FSTL5: variants seen among roughly 807,000 people sequenced by gnomAD.
FSTL5 encodes follistatin like 5.
A neutral mutation model predicts 89.1 loss-of-function variants in FSTL5; 62 were observed. The ratio of observed to expected loss-of-function variants is 0.70; its 90% CI spans 0.57 to 0.86. The LOEUF is 0.86. FSTL5 is among the 40% of genes least tolerant of loss of function. FSTL5 has a pLI of 0.00. For synonymous variants in FSTL5, 383 were observed against 346.2 expected (o/e 1.11, Z -1.18); for missense variants, 1,057 against 1,001.6 (o/e 1.06, Z -0.75).
At chr4:161,877,417 G>C (rs1732480512) in intron 4 of FSTL5, among the ~76,000 whole-genome samples, 1 of 36,188 alleles carries the variant, frequency 2.8e-5, no homozygotes, top group Non-Finnish European at 1.1e-4. Context: ...CTATTTTACA[G>C]ATAAAATAGA....
chr4:161,633,703 A>T (rs537701238), intron 7 of FSTL5, among the ~76,000 whole-genome samples: 76 of 152,248 alleles, frequency 5.0e-4, no homozygotes, highest in Middle Eastern at 6.8e-3. Context: ...ATCATGCTAG[A>T]GTGTTTAGTA....
At chr4:162,131,194 T>C (rs978188992) in intron 1 of FSTL5, among the ~76,000 whole-genome samples, 2 of 152,178 alleles carry the variant, frequency 1.3e-5, no homozygotes, top group Admixed American at 6.5e-5. Context: ...ACAGTCACCC[T>C]TAAATTGAAT....
At chr4:162,020,307 G>A (rs989225799) in intron 3 of FSTL5, among the ~76,000 whole-genome samples, 2 of 151,788 alleles carry the variant, frequency 1.3e-5, no homozygotes, top group Non-Finnish European at 1.5e-5. Flanking sequence ...AAGTCTGTTT[G>A]GTGAAAGTTA....
chr4:162,046,266 A>G (rs1578983095), intron 2 of FSTL5, among the ~76,000 whole-genome samples: 1 of 152,292 alleles, frequency 6.6e-6, no homozygotes, highest in East Asian at 1.9e-4. Flanking sequence ...CTTACAACAC[A>G]ATGTTAAAGA....
At chr4:161,496,696 C>T (rs1730085653) in intron 12 of FSTL5, among the ~76,000 whole-genome samples, 1 of 151,916 alleles carries the variant, frequency 6.6e-6, no homozygotes, top group Non-Finnish European at 1.5e-5. Flanking sequence ...CTGGCAAACC[C>T]TACAAATTTT....
At chr4:161,811,794 T>G (rs561580625) in intron 4 of FSTL5, among the ~76,000 whole-genome samples, 1 of 152,344 alleles carries the variant, frequency 6.6e-6, no homozygotes, top group African/African-American at 2.4e-5. Flanking sequence ...ACATTCAGTG[T>G]GCCTTAGCAT....
At chr4:161,791,999 G>T (rs1024265369) in intron 4 of FSTL5, among the ~76,000 whole-genome samples, 3 of 152,116 alleles carry the variant, frequency 2.0e-5, no homozygotes, top group Non-Finnish European at 4.4e-5. Context: ...GCCCCGCACT[G>T]CCAGGCACAG....
chr4:161,560,766 C>T (rs1187756067), intron 8 of FSTL5, among the ~76,000 whole-genome samples: 2 of 151,838 alleles, frequency 1.3e-5, no homozygotes, highest in African/African-American at 2.4e-5. Flanking sequence ...CAATAACACA[C>T]ATGGAGTTGT....
intron 8 of FSTL5, among the ~76,000 whole-genome samples, chr4:161,575,907 T>C (rs1733192548): frequency 6.6e-6 from 1 of 152,214 alleles, no homozygotes; most frequent in African/African-American, 2.4e-5. Context: ...CATGATTGTA[T>C]ATTTTGGAAA....
At chr4:161,688,506 A>G (rs1260201443) in intron 6 of FSTL5, among the ~76,000 whole-genome samples, 1 of 152,212 alleles carries the variant, frequency 6.6e-6, no homozygotes, top group Non-Finnish European at 1.5e-5. Flanking sequence ...GGTCAGAGCC[A>G]GTCACAGAGC....
chr4:161,611,162 A>ATATATATGTGTATATATG (rs1037415620), intron 7 of FSTL5, among the ~76,000 whole-genome samples: 1 of 147,640 alleles, frequency 6.8e-6, no homozygotes, highest in South Asian at 2.1e-4. Context: ...GTGTGTGTAT[A>ATATATATGTGTATATATG]TATATATGTG....
chr4:161,783,705 T>C (rs1412482374), intron 4 of FSTL5, among the ~76,000 whole-genome samples: 4 of 29,338 alleles, frequency 1.4e-4, no homozygotes, highest in Admixed American at 4.8e-4. Context: ...CTTTCTTTCT[T>C]TCTTTCTTTC....
chr4:161,481,440 G>A (rs530438732), intron 12 of FSTL5, among the ~76,000 whole-genome samples: 1 of 150,756 alleles, frequency 6.6e-6, no homozygotes, highest in South Asian at 2.1e-4. Context: ...TTCCTACTTG[G>A]TTATAACTCA....
intron 8 of FSTL5, among the ~76,000 whole-genome samples, chr4:161,544,373 A>G (rs1314451417): frequency 6.6e-6 from 1 of 152,032 alleles, no homozygotes; most frequent in Admixed American, 6.6e-5. Flanking sequence ...TATTGGAGGT[A>G]TCTGACACAA....
intron 6 of FSTL5, among the ~76,000 whole-genome samples, chr4:161,660,128 A>T (rs961192915): frequency 1.3e-5 from 2 of 152,172 alleles, no homozygotes; most frequent in South Asian, 4.1e-4. Context: ...GCAAAATTTT[A>T]ATGATTTTTT....
chr4:161,707,097 A>C (rs1261584119), intron 6 of FSTL5, among the ~76,000 whole-genome samples: 1 of 151,912 alleles, frequency 6.6e-6, no homozygotes, highest in Non-Finnish European at 1.5e-5. Flanking sequence ...AATCTAAACC[A>C]AACACAAATT....
rs559507647 is a variant in FSTL5 at position 161,834,379 on chromosome 4, T to A, written c.410-58305A>T. On this transcript the variant is annotated intron_variant, in intron 4 of 15. Coordinates refer to ENST00000306100, the MANE Select transcript of FSTL5 (RefSeq NM_020116.5). ...GGGCAAAAACTGGAAGCATTCCCTT[T>A]GAAAACTGGCACAAGACAGGGATGC... Among the ~76,000 whole-genome samples the A allele has an allele frequency of 6.6e-5, 10 of 152,272 alleles. No individual in the cohort carries two copies. In the South Asian group the frequency reaches 1.9e-3, roughly 28 times the overall value.
At chr4:161,891,156 T>A (rs1376269770) in intron 4 of FSTL5, among the ~76,000 whole-genome samples, 4 of 148,788 alleles carry the variant, frequency 2.7e-5, no homozygotes, top group Admixed American at 6.6e-5. Context: ...TTCTGAAGTA[T>A]TTTTTTTCTT....
intron 7 of FSTL5, among the ~76,000 whole-genome samples, chr4:161,590,565 T>C (rs1450842358): frequency 6.6e-6 from 1 of 151,768 alleles, no homozygotes; most frequent in Admixed American, 6.6e-5. Context: ...AAACAAATAG[T>C]CTGATTAAAA....
Sources: allele counts gnomAD v4.1 joint callset (sites outside exome capture counted in the v4.1 genomes callset), GRCh38; gene constraint gnomAD v4.1.1; transcripts MANE v1.5; gene names NCBI Gene and HGNC (gene_info 2026-07-23, HGNC 2026-07-21).